The following NLGN1 variants were observed in gnomAD, a reference collection of about 807,000 sequenced individuals.
NLGN1 encodes neuroligin-1.
A neutral mutation model predicts 65.5 loss-of-function variants in NLGN1; 12 were observed. The ratio of observed to expected loss-of-function variants is 0.18; its 90% CI spans 0.12 to 0.30. The LOEUF (loss-of-function observed/expected upper bound fraction) is 0.30. NLGN1 is among the 10% of genes least tolerant of loss of function. The pLI, the probability that NLGN1 is intolerant of heterozygous loss-of-function variation, is 1.00. For missense variants in NLGN1, 750 were observed against 1,007.1 expected, an observed-to-expected ratio of 0.74 and a Z score of 3.46; for synonymous variants, 350 against 359.5, an observed-to-expected ratio of 0.97 and a Z score of 0.30.
At chr3:173,468,455 A>G (rs1724747619) in intron 2 of NLGN1, among the ~76,000 whole-genome samples, 1 of 152,094 alleles carries the variant, frequency 6.6e-6, no homozygotes, top group Admixed American at 6.6e-5. Flanking sequence ...TTATATCACC[A>G]CTGCCTTACT....
At chr3:173,808,856 TATC>T (rs1717255379) in intron 4 of NLGN1, among the ~76,000 whole-genome samples, 1 of 152,190 alleles carries the variant, frequency 6.6e-6, no homozygotes, top group African/African-American at 2.4e-5. Flanking sequence ...TCCTTGGTAG[TATC>T]ATATCTTTTA....
intron 4 of NLGN1, among the ~76,000 whole-genome samples, chr3:174,101,243 T>TA (rs1330133686): frequency 2.0e-5 from 3 of 152,142 alleles, no homozygotes; most frequent in Non-Finnish European, 2.9e-5. Context: ...ATTAAAATGT[T>TA]AAAGAGTTAC....
chr3:173,731,847 G>A (rs1488560), intron 3 of NLGN1, among the ~76,000 whole-genome samples: 77,142 of 151,724 alleles, frequency 0.51, 20,591 homozygotes, highest in East Asian at 0.71. Context: ...TTCAGGAAGT[G>A]GTCAAAAAAT....
chr3:174,272,665 G>GGATGGATA (rs1467184414), intron 4 of NLGN1, among the ~76,000 whole-genome samples: 27 of 116,654 alleles, frequency 2.3e-4, no homozygotes, highest in Non-Finnish European at 3.0e-4. Flanking sequence ...ATGGATGGAT[G>GGATGGATA]GATAGATAGA....
At chr3:173,737,711 C>T (rs893687994) in intron 3 of NLGN1, among the ~76,000 whole-genome samples, 4 of 151,998 alleles carry the variant, frequency 2.6e-5, no homozygotes, top group South Asian at 2.1e-4. Flanking sequence ...CATGCTCCTA[C>T]GAACATTCAT....
chr3:174,207,242 G>A (rs1461716073), intron 4 of NLGN1, among the ~76,000 whole-genome samples: 1 of 148,890 alleles, frequency 6.7e-6, no homozygotes, highest in Non-Finnish European at 1.5e-5. Context: ...TACAAAAAGT[G>A]CAATATTGAG....
chr3:174,224,459 G>A (rs1041794216), intron 4 of NLGN1, among the ~76,000 whole-genome samples: 1 of 152,196 alleles, frequency 6.6e-6, no homozygotes. Flanking sequence ...AGAACTTTGG[G>A]AGGCCGAGGC....
chr3:174,086,318 T>TATATTTATGTATGTGCATAC, intron 4 of NLGN1, among the ~76,000 whole-genome samples: 1 of 148,514 alleles, frequency 6.7e-6, no homozygotes, highest in African/African-American at 2.5e-5. Flanking sequence ...CATAAATATA[T>TATATTTATGTATGTGCATAC]ATATATATTT....
At chr3:174,230,746 A>G (rs1421087903) in intron 4 of NLGN1, among the ~76,000 whole-genome samples, 1 of 152,150 alleles carries the variant, frequency 6.6e-6, no homozygotes, top group Non-Finnish European at 1.5e-5. Context: ...CAGCCTGAGA[A>G]ACATAGCAAG....
intron 2 of NLGN1, among the ~76,000 whole-genome samples, chr3:173,488,251 CA>C: frequency 6.6e-6 from 1 of 152,042 alleles, no homozygotes; most frequent in Non-Finnish European, 1.5e-5. Context: ...TTTATATATT[CA>C]TACTACTTTG....
chr3:173,979,960 C>T (rs1718390570), intron 4 of NLGN1, among the ~76,000 whole-genome samples: 1 of 152,046 alleles, frequency 6.6e-6, no homozygotes, highest in African/African-American at 2.4e-5. Context: ...TAATCTTCAG[C>T]TCCCAAATGG....
intron 2 of NLGN1, among the ~76,000 whole-genome samples, chr3:173,574,405 A>G (rs1745180517): frequency 6.6e-6 from 1 of 151,972 alleles, no homozygotes; most frequent in Non-Finnish European, 1.5e-5. Flanking sequence ...GAGAAAATAG[A>G]TGTTAAACTT....
chr3:173,823,623 AAT>A (rs1028164523), intron 4 of NLGN1, among the ~76,000 whole-genome samples: 1 of 152,082 alleles, frequency 6.6e-6, no homozygotes, highest in African/African-American at 2.4e-5. Context: ...ACTAAAATTA[AAT>A]AAAGTAAAAA....
chr3:173,719,722 T>C (rs1031563986), intron 3 of NLGN1, among the ~76,000 whole-genome samples: 1 of 152,140 alleles, frequency 6.6e-6, no homozygotes, highest in Non-Finnish European at 1.5e-5. Flanking sequence ...ATCCTGAAAA[T>C]GTCAAAGTGT....
chr3:174,115,516 T>C (rs1296157244), intron 4 of NLGN1, among the ~76,000 whole-genome samples: 3 of 152,194 alleles, frequency 2.0e-5, no homozygotes, highest in East Asian at 3.9e-4. Context: ...ACCACCGTTA[T>C]AGAATCCACG....
At chr3:174,270,125 C>G (rs915120155) in intron 4 of NLGN1, among the ~76,000 whole-genome samples, 4 of 120,088 alleles carry the variant, frequency 3.3e-5, no homozygotes, top group Middle Eastern at 4.0e-3. Context: ...GGTTTCCTTT[C>G]TTTTTTTTTT....
At chr3:173,798,946 T>C (rs975709293) in intron 3 of NLGN1, among the ~76,000 whole-genome samples, 1 of 152,004 alleles carries the variant, frequency 6.6e-6, no homozygotes, top group Non-Finnish European at 1.5e-5. Flanking sequence ...AGAGTTATAA[T>C]AGTAAATTTA....
intron 2 of NLGN1, among the ~76,000 whole-genome samples, chr3:173,514,010 C>T (rs78008741): frequency 0.013 from 1,999 of 152,158 alleles, 60 homozygotes; most frequent in African/African-American, 0.046. Flanking sequence ...AACAATGTAA[C>T]GTGTTACATT....
chr3:174,255,878 C>CA (rs1745658404), intron 4 of NLGN1, among the ~76,000 whole-genome samples: 1 of 152,040 alleles, frequency 6.6e-6, no homozygotes, highest in Admixed American at 6.5e-5. Flanking sequence ...AGGCTGGTCT[C>CA]AAACTCCTGG....
Sources: gnomAD v4.1 joint callset for allele counts (sites outside exome capture counted in the v4.1 genomes callset) on GRCh38, gnomAD v4.1.1 for gene constraint, MANE v1.5 for transcripts, NCBI Gene and HGNC (gene_info 2026-07-23, HGNC 2026-07-21) for gene names.